The following SERINC2 variants were observed in gnomAD, a reference collection of about 807,000 sequenced individuals.
SERINC2 encodes the protein serine incorporator 2.
Under a neutral mutation model 54.2 loss-of-function variants are expected in SERINC2, and 56 were observed. That is an observed-to-expected ratio of 1.03 (90% confidence interval 0.83 to 1.29). The LOEUF is 1.29. SERINC2 is among the 50% of genes most tolerant of loss of function. SERINC2 has a pLI of 0.00. For synonymous variants in SERINC2, 272 were observed against 253.1 expected (o/e 1.07, Z -0.71); for missense variants, 614 against 607.4 (o/e 1.01, Z -0.12).
Position 31,424,703 on chromosome 1 carries a change from G to A in SERINC2, c.222G>A (p.Glu74=). The stretch of plus-strand genomic sequence containing the variant: ...CACAGCTGCCCTGGGTGTGTGAGGA[G>A]GGGGCCGGGATCCCCACCGTCCTGC... ...QLYKLPWVCE[E]GAGIPTVLQG... The change falls in exon 3 of 10, where the codon GAG becomes GAA. Residue 74 remains glutamate (E), a synonymous_variant. Coordinates refer to ENST00000373709, the MANE Select transcript of SERINC2 (RefSeq NM_178865.5). The A allele has an allele frequency of 1.9e-6, 3 of 1,602,382 alleles. No homozygotes were observed. The highest frequency in any genetic ancestry group is 2.2e-5 in the South Asian group (2 of 89,128).
At chr1:31,433,217 G>A (rs376154059) in intron 9 of SERINC2, 32 bp downstream of exon 9, 379 of 1,567,768 alleles carry the variant, frequency 2.4e-4, no homozygotes, top group African/African-American at 2.3e-3. Context: ...GACAGAGCCC[G>A]GAGGTGCAGG....
rs782101417 is a variant in SERINC2 at position 31,434,083 on chromosome 1, A to G, written c.1252A>G (p.Met418Val). Residue 418 changes from methionine to valine, a missense_variant, in exon 10 of 10, where the codon ATG becomes GTG. By Grantham distance (21) the Met-to-Val change is conservative. Coordinates refer to ENST00000373709, the MANE Select transcript of SERINC2 (RefSeq NM_178865.5). ...NWYKPGETRK[M>V]ISTWTAVWVK... ...TTCCAGGCCCGGTGAGACCCGGAAG[A>G]TGATCAGCACGTGGACCGCCGTGTG... is the stretch of plus-strand genomic sequence containing the variant. 1.2e-6 allele frequency: 2 copies of G among 1,614,000 alleles called. No homozygotes were observed. The highest frequency in any genetic ancestry group is 3.3e-4 in the Middle Eastern group (2 of 6,062).
chr1:31,432,903 T>C, intron 8 of SERINC2, 64 bp from the exon 9 acceptor site: 3 of 1,322,990 alleles, frequency 2.3e-6, no homozygotes, highest in Non-Finnish European at 3.1e-6. Context: ...TGGGACCATT[T>C]GTGTCCAGTG....
intron 6 of SERINC2, among the ~76,000 whole-genome samples, 160 bp downstream of exon 6, chr1:31,426,983 C>T (rs1470172407): frequency 4.6e-5 from 7 of 152,120 alleles, no homozygotes; most frequent in South Asian, 2.1e-4. Context: ...CAGGCTCTCA[C>T]GGCTTCATGC....
At chr1:31,414,272 C>T in intron 1 of SERINC2, 1 of 1,324,962 alleles carries the variant, frequency 7.5e-7, no homozygotes, top group Non-Finnish European at 9.6e-7. Flanking sequence ...TCCCCAGCCC[C>T]CCTCTCCTTT....
At chr1:31,422,958 T>G (rs1209128974) in intron 1 of SERINC2, among the ~76,000 whole-genome samples, 1 of 152,222 alleles carries the variant, frequency 6.6e-6, no homozygotes, top group Non-Finnish European at 1.5e-5. Context: ...CGAAAATCAT[T>G]CCGTTTATCC....
Position 31,413,780 on chromosome 1 carries a change from T to C in SERINC2, c.39+476T>C. Reference sequence around the variant, plus strand: ...CCCTCTGGCCGCCTGCCAGTCCGCCTGTTCCTGTCGCTCGGGCTCCGCCTG... The same window carrying C: ...CCCTCTGGCCGCCTGCCAGTCCGCCCGTTCCTGTCGCTCGGGCTCCGCCTG... On this transcript the variant is annotated intron_variant, in intron 1 of 9. Transcript: ENST00000373709. The surrounding 1 kb of genome is among the most constrained non-coding windows in gnomAD (Gnocchi z 5.0). 7.4e-7 allele frequency: 1 copy of C among 1,360,306 alleles called. No homozygotes were observed. The highest frequency in any genetic ancestry group is 3.1e-5 in the East Asian group (1 of 31,828). The allele number at this position is 1,360,306 out of a possible 1,614,324, so 84.3% of individuals were successfully genotyped here.
rs1372577934 is a variant in SERINC2 at position 31,425,054 on chromosome 1, G to T, written c.392+181G>T. On this transcript the variant is annotated intron_variant, in intron 3 of 9. Coordinates refer to ENST00000373709, the MANE Select transcript of SERINC2 (RefSeq NM_178865.5). ...TGAAGAGTAAGGCTCAGAAAGGGTGGCAGCAAGCCTCAGGCCCCGCAGCAC... is the reference window on the plus strand; with the variant it reads ...TGAAGAGTAAGGCTCAGAAAGGGTGTCAGCAAGCCTCAGGCCCCGCAGCAC... Among the ~76,000 whole-genome samples, 3 of 152,180 alleles carry T rather than the reference G, an allele frequency of 2.0e-5. No homozygotes were observed. The East Asian group carries it at 5.8e-4, about 29-fold the overall frequency.
At chr1:31,419,439 C>T (rs933743431) in intron 1 of SERINC2, among the ~76,000 whole-genome samples, 2 of 152,056 alleles carry the variant, frequency 1.3e-5, no homozygotes, top group East Asian at 1.9e-4. Context: ...GAAATGTACC[C>T]AAGTTAAGTG....
chr1:31,424,547 C>T, intron 2 of SERINC2, 136 bp from the exon 3 acceptor site: 2 of 692,280 alleles, frequency 2.9e-6, no homozygotes, highest in South Asian at 2.0e-5. Flanking sequence ...GGGCTCCCCT[C>T]CCTGTCTGGT....
chr1:31,426,292 G>A (rs576256059), intron 5 of SERINC2, among the ~76,000 whole-genome samples: 2 of 152,288 alleles, frequency 1.3e-5, no homozygotes, highest in South Asian at 2.1e-4. Flanking sequence ...TGAACACAAC[G>A]AGGAGAAAGG....
At chr1:31,416,284 T>G (rs782527778) in intron 1 of SERINC2, among the ~76,000 whole-genome samples, 1 of 152,182 alleles carries the variant, frequency 6.6e-6, no homozygotes, top group African/African-American at 2.4e-5. Context: ...CAAGACTACA[T>G]GCAAGGAAGT....
intron 8 of SERINC2, among the ~76,000 whole-genome samples, chr1:31,431,065 A>C (rs7539263): frequency 0.11 from 17,279 of 152,012 alleles, 1,150 homozygotes; most frequent in African/African-American, 0.15. Context: ...TCAAGCTGGA[A>C]AGGCTTGAAT....
intron 8 of SERINC2, among the ~76,000 whole-genome samples, chr1:31,432,156 C>CAGGGTGGTT (rs1641301933): frequency 4.4e-4 from 2 of 4,560 alleles, no homozygotes; most frequent in East Asian, 6.7e-3. Context: ...ACAGGGTGGA[C>CAGGGTGGTT]AGGGTGGATA....
intron 4 of SERINC2, 32 bp from the exon 5 acceptor site, chr1:31,425,742 ACC>A (rs1553133478): frequency 6.2e-7 from 1 of 1,603,518 alleles, no homozygotes; most frequent in East Asian, 2.2e-5. Context: ...TGAGAGAGGG[ACC>A]CTCCTCGCCT....
Position 31,433,094 on chromosome 1 carries a change from C to T in SERINC2, c.1141C>T (p.Gln381Ter), listed in dbSNP as rs1557503394. 2 of 1,613,674 alleles carry T rather than the reference C, an allele frequency of 1.2e-6. No individual in the cohort carries two copies. Among genetic ancestry groups the T allele is most frequent in the Non-Finnish European group, 1.7e-6 (2 of 1,180,024 alleles). ...TGAGGGCCGGGCCTTTGACAACGAG[C>T]AGGACGGCGTCACCTACAGCTACTC... Reference protein sequence around the residue: ...ACEGRAFDNEQDGVTYSYSFF... With the variant: ...ACEGRAFDNE Residue 381 changes from glutamine (Q) to a stop codon, truncating the protein, a stop_gained, in exon 9 of 10, where the codon CAG becomes TAG. Transcript: ENST00000373709. LOFTEE classifies it high-confidence loss of function.
intron 9 of SERINC2, 108 bp downstream of exon 9, chr1:31,433,293 G>C (rs1291896734): frequency 7.5e-6 from 7 of 934,528 alleles, no homozygotes; most frequent in African/African-American, 4.9e-5. Context: ...TTAAGGCTTG[G>C]GGGTGGCGGT....
At chr1:31,411,317 G>A (rs527370515), upstream of SERINC2, among the ~76,000 whole-genome samples, 51 of 152,338 alleles carry the variant, frequency 3.3e-4, no homozygotes, top group African/African-American at 1.1e-3. Context: ...CTTCTGAGCT[G>A]TGTGGCCTTC....
intron 8 of SERINC2, among the ~76,000 whole-genome samples, chr1:31,431,769 G>GGGTGGATAGGGTGGTT (rs1641212665): frequency 3.5e-5 from 1 of 28,332 alleles, no homozygotes; most frequent in African/African-American, 1.1e-4. Context: ...AGAGGGTGGA[G>GGGTGGATAGGGTGGTT]AGGGTGAATA....
Sources: allele counts gnomAD v4.1 joint callset (sites outside exome capture counted in the v4.1 genomes callset), GRCh38; gene constraint gnomAD v4.1.1; non-coding constraint Gnocchi (gnomAD v3.1); transcripts MANE v1.5; gene names NCBI Gene and HGNC (gene_info 2026-07-23, HGNC 2026-07-21).